Variants in VTI1A observed in about 807,000 individuals in gnomAD.
VTI1A encodes vesicle transport through interaction with t-SNAREs homolog 1A.
A neutral mutation model predicts 34.9 loss-of-function variants in VTI1A; 22 were observed. The ratio of observed to expected loss-of-function variants is 0.63; its 90% CI spans 0.45 to 0.90. The LOEUF is 0.90. VTI1A is among the 40% of genes least tolerant of loss of function. The pLI is 0.00. For missense variants in VTI1A, 268 were observed against 275.6 expected (o/e 0.97, Z 0.20); for synonymous variants, 87 against 97.3 (o/e 0.89, Z 0.62).
At chr10:112,790,066 T>A (rs1376073797) in intron 7 of VTI1A, among the ~76,000 whole-genome samples, 1 of 152,176 alleles carries the variant, frequency 6.6e-6, no homozygotes, top group Non-Finnish European at 1.5e-5. Flanking sequence ...CTTTTCTGAA[T>A]GTAGTCTCTA....
intron 5 of VTI1A, among the ~76,000 whole-genome samples, chr10:112,564,303 C>T (rs1486179351): frequency 6.6e-6 from 1 of 151,666 alleles, no homozygotes; most frequent in African/African-American, 2.4e-5. Flanking sequence ...ATAACAAAAG[C>T]AATAGAAAGA....
At chr10:112,719,303 G>A (rs1175967910) in intron 7 of VTI1A, among the ~76,000 whole-genome samples, 1 of 152,128 alleles carries the variant, frequency 6.6e-6, no homozygotes, top group Non-Finnish European at 1.5e-5. Flanking sequence ...TGGGTTTAAA[G>A]CAGTTGAATG....
At chr10:112,561,692 G>A (rs1281916127) in intron 5 of VTI1A, among the ~76,000 whole-genome samples, 1 of 152,014 alleles carries the variant, frequency 6.6e-6, no homozygotes, top group African/African-American at 2.4e-5. Flanking sequence ...ACTGATAACT[G>A]AAAAATTCTA....
chr10:112,762,422 G>A (rs1268288405), intron 7 of VTI1A, among the ~76,000 whole-genome samples: 1 of 152,154 alleles, frequency 6.6e-6, no homozygotes, highest in Non-Finnish European at 1.5e-5. Flanking sequence ...CTACGAATTG[G>A]AATAGAAGCC....
At chr10:112,612,286 A>G (rs1168277679) in intron 5 of VTI1A, among the ~76,000 whole-genome samples, 1 of 152,194 alleles carries the variant, frequency 6.6e-6, no homozygotes, top group Non-Finnish European at 1.5e-5. Context: ...ATTGGTAGAA[A>G]CTAGAACAAT....
chr10:112,734,883 C>T (rs866693596), intron 7 of VTI1A, among the ~76,000 whole-genome samples: 2 of 151,994 alleles, frequency 1.3e-5, no homozygotes, highest in Non-Finnish European at 2.9e-5. Flanking sequence ...CCGCCCATCT[C>T]GGCCTCCCAA....
At chr10:112,674,647 C>T (rs547247543) in intron 7 of VTI1A, among the ~76,000 whole-genome samples, 1 of 152,316 alleles carries the variant, frequency 6.6e-6, no homozygotes, top group East Asian at 1.9e-4. Flanking sequence ...ATGTGACCCT[C>T]AATCATGTAT....
At chr10:112,770,304 T>G (rs1202873613) in intron 7 of VTI1A, among the ~76,000 whole-genome samples, 1 of 152,220 alleles carries the variant, frequency 6.6e-6, no homozygotes, top group East Asian at 1.9e-4. Flanking sequence ...GTTAAACTCA[T>G]GTAGTCTGTA....
intron 7 of VTI1A, among the ~76,000 whole-genome samples, chr10:112,782,181 G>A (rs1210039953): frequency 6.6e-6 from 1 of 152,254 alleles, no homozygotes; most frequent in Non-Finnish European, 1.5e-5. Context: ...CCCCCAGAAT[G>A]GAACCAGATC....
At chr10:112,846,681 G>A in the VTI1A span, among the ~76,000 whole-genome samples, 3 of 151,548 alleles carry the variant, frequency 2.0e-5, no homozygotes, top group Admixed American at 6.6e-5. Context: ...CAGGAAAATC[G>A]TGTGAACCCA....
At chr10:112,537,032 A>G (rs1044573903) in intron 4 of VTI1A, among the ~76,000 whole-genome samples, 4 of 151,996 alleles carry the variant, frequency 2.6e-5, no homozygotes, top group African/African-American at 7.2e-5. Flanking sequence ...ATGGGGGCTC[A>G]TTAGAGCAAG....
chr10:112,693,936 C>T (rs1260947165), intron 7 of VTI1A, among the ~76,000 whole-genome samples: 3 of 152,122 alleles, frequency 2.0e-5, no homozygotes, highest in Non-Finnish European at 2.9e-5. Context: ...ATGCGAGGCT[C>T]GGTGGCTCAC....
intron 3 of VTI1A, among the ~76,000 whole-genome samples, chr10:112,525,246 G>A (rs888523642): frequency 5.3e-5 from 8 of 152,144 alleles, no homozygotes; most frequent in African/African-American, 4.8e-5. Context: ...TCTCTGCAAC[G>A]TTGTTGATTT....
At chr10:112,791,853 T>C (rs1852492056) in intron 7 of VTI1A, among the ~76,000 whole-genome samples, 1 of 150,094 alleles carries the variant, frequency 6.7e-6, no homozygotes, top group Non-Finnish European at 1.5e-5. Context: ...TTTGCTTCAG[T>C]AGCCTCCTAA....
intron 7 of VTI1A, among the ~76,000 whole-genome samples, chr10:112,743,779 A>G (rs1207769779): frequency 6.6e-6 from 1 of 152,268 alleles, no homozygotes; most frequent in Admixed American, 6.5e-5. Flanking sequence ...TTAAAAAGAA[A>G]AAAATTATTT....
At chr10:112,825,605 A>C in the VTI1A span, 1 of 152,298 alleles carries the variant, frequency 6.6e-6, no homozygotes, top group Admixed American at 6.5e-5. Flanking sequence ...TGGGCCCAGC[A>C]GCTCACAGGA....
intron 5 of VTI1A, among the ~76,000 whole-genome samples, chr10:112,598,158 G>A (rs189865843): frequency 7.9e-5 from 12 of 152,324 alleles, no homozygotes; most frequent in Admixed American, 5.9e-4. Flanking sequence ...CATGAGACTA[G>A]CACTTGAAGA....
chr10:112,583,217 A>C (rs916537349), intron 5 of VTI1A, among the ~76,000 whole-genome samples: 1 of 152,316 alleles, frequency 6.6e-6, no homozygotes, highest in East Asian at 1.9e-4. Flanking sequence ...ATAACAGCAG[A>C]GGATTTGTAT....
intron 7 of VTI1A, among the ~76,000 whole-genome samples, chr10:112,803,757 C>A (rs532554404): frequency 3.2e-4 from 48 of 152,228 alleles, no homozygotes; most frequent in African/African-American, 1.1e-3. Context: ...CAGAGTGAGA[C>A]CCTGTCTCTA....
Sources: gnomAD v4.1 joint callset for allele counts (sites outside exome capture counted in the v4.1 genomes callset) on GRCh38, gnomAD v4.1.1 for gene constraint, MANE v1.5 for transcripts, NCBI Gene and HGNC (gene_info 2026-07-23, HGNC 2026-07-21) for gene names.